MAGI3: variants seen among roughly 807,000 people sequenced by gnomAD.
MAGI3 encodes the protein membrane associated guanylate kinase, WW and PDZ domain containing 3, also known as membrane-associated guanylate kinase, WW and PDZ domain-containing protein 3.
A neutral mutation model predicts 121.8 loss-of-function variants in MAGI3; 43 were observed. That is an observed-to-expected ratio of 0.35 (90% confidence interval 0.28 to 0.46). MAGI3 has a LOEUF of 0.46. MAGI3 is among the 20% of genes least tolerant of loss of function. The probability of loss-of-function intolerance (pLI) is 1.00; values close to 1 mark genes in which losing one functional copy is unlikely to be tolerated. For missense variants in MAGI3, 1,547 were observed against 1,797.3 expected, an observed-to-expected ratio of 0.86 and a Z score of 2.52; for synonymous variants, 553 against 639.3, an observed-to-expected ratio of 0.86 and a Z score of 2.04.
At chr1:113,449,881 ATTC>A in intron 1 of MAGI3, 2 of 1,520,522 alleles carry the variant, frequency 1.3e-6, no homozygotes, top group Non-Finnish European at 9.0e-7. Context: ...TTTGTGACTT[ATTC>A]TTGTGTTGAA....
At chr1:113,566,877 A>G (rs369834646) in intron 2 of MAGI3, among the ~76,000 whole-genome samples, 19 of 152,184 alleles carry the variant, frequency 1.2e-4, no homozygotes, top group African/African-American at 4.6e-4. Context: ...TACCTTAAGG[A>G]ATTAGACAAA....
At chr1:113,607,891 C>T (rs955587351) in intron 6 of MAGI3, among the ~76,000 whole-genome samples, 2 of 152,160 alleles carry the variant, frequency 1.3e-5, no homozygotes, top group East Asian at 1.9e-4. Flanking sequence ...AAAGTATTCT[C>T]ATGTCATAAA....
chr1:113,597,751 A>G (rs1370522898), intron 6 of MAGI3, among the ~76,000 whole-genome samples: 12 of 152,248 alleles, frequency 7.9e-5, no homozygotes, highest in Admixed American at 7.9e-4. Flanking sequence ...TTTTGTATCC[A>G]GCAATACTAA....
chr1:113,417,494 G>C (rs1420298924), intron 1 of MAGI3, among the ~76,000 whole-genome samples: 1 of 152,088 alleles, frequency 6.6e-6, no homozygotes, highest in African/African-American at 2.4e-5. Context: ...GCTCACTGCA[G>C]TCTTGAACTC....
At position 113,396,287 on chromosome 1, in the gene MAGI3, TTGTGTGTG is replaced by T. The variant is rs3058309; in HGVS notation, c.316+4963_316+4970del. On this transcript the variant is annotated intron_variant, in intron 1 of 20. Coordinates refer to ENST00000307546, the MANE Select transcript of MAGI3 (RefSeq NM_001142782.2). Reference sequence around the variant, plus strand: ...ATTTCAAAATCTGTGAATGTCAGGGTTGTGTGTGTGTGTGTGTGTGTGTGTGTGTGTGA... The same window carrying T: ...ATTTCAAAATCTGTGAATGTCAGGGTTGTGTGTGTGTGTGTGTGTGTGTGA... 1.3e-4 allele frequency among the ~76,000 whole-genome samples: 19 copies of T among 146,876 alleles called. 1 individual carries two copies. The highest frequency in any genetic ancestry group is 2.2e-4 in the South Asian group (1 of 4,566).
intron 5 of MAGI3, 53 bp downstream of exon 5, chr1:113,590,711 C>G: frequency 6.7e-7 from 1 of 1,492,816 alleles, no homozygotes; most frequent in Non-Finnish European, 8.9e-7. Flanking sequence ...TGAGGATTGT[C>G]TAAGATTTTT....
intron 14 of MAGI3, among the ~76,000 whole-genome samples, chr1:113,651,631 T>G (rs1653173544): frequency 6.6e-6 from 1 of 152,102 alleles, no homozygotes; most frequent in East Asian, 1.9e-4. Flanking sequence ...TAGCTGGGAT[T>G]ACAGGCACAC....
At chr1:113,437,763 C>T (rs1324347696) in intron 1 of MAGI3, among the ~76,000 whole-genome samples, 1 of 147,538 alleles carries the variant, frequency 6.8e-6, no homozygotes, top group African/African-American at 2.5e-5. Flanking sequence ...CTTCATTTTT[C>T]TTTCTTCTTC....
chr1:113,676,241 A>C (rs1280887823), intron 19 of MAGI3, among the ~76,000 whole-genome samples: 2 of 152,186 alleles, frequency 1.3e-5, no homozygotes, highest in Non-Finnish European at 2.9e-5. Context: ...ACCAAAGGCA[A>C]ACAGGCCTTA....
intron 2 of MAGI3, among the ~76,000 whole-genome samples, chr1:113,566,837 G>T (rs2101696519): frequency 6.6e-6 from 1 of 151,714 alleles, no homozygotes; most frequent in African/African-American, 2.4e-5. Flanking sequence ...TAAAAGAGAA[G>T]AAAAATCTCA....
chr1:113,626,722 T>C (rs1651261384), intron 9 of MAGI3, among the ~76,000 whole-genome samples: 1 of 152,194 alleles, frequency 6.6e-6, no homozygotes, highest in African/African-American at 2.4e-5. Flanking sequence ...TTCTAGGTTT[T>C]CCAATTTGTT....
rs1553182646 is a variant in MAGI3, at chr1:113,416,191, ATGTAATTAATGACACATATTATTATG to A, written c.316+24864_316+24889del. Among the ~76,000 whole-genome samples the A allele has an allele frequency of 4.0e-4, 25 of 62,314 alleles. 4 individuals are homozygous for A. Among genetic ancestry groups the A allele is most frequent in the African/African-American group, 1.0e-3 (17 of 16,630 alleles). 40.9% of individuals were successfully genotyped at this position (62,314 alleles called of 152,430 possible). ...ATGTAATTAATGACACATATTAATT[ATGTAATTAATGACACATATTATTATG>A]TGTAATTAATGACACATATTAATTA... On this transcript the variant is annotated intron_variant, in intron 1 of 20. Coordinates refer to ENST00000307546, the MANE Select transcript of MAGI3 (RefSeq NM_001142782.2).
At chr1:113,433,371 G>C (rs1196967876) in intron 1 of MAGI3, among the ~76,000 whole-genome samples, 1 of 152,120 alleles carries the variant, frequency 6.6e-6, no homozygotes, top group Non-Finnish European at 1.5e-5. Context: ...ATTTAGAGCT[G>C]TACTCCTGAG....
chr1:113,641,245 G>A (rs1429857510), intron 9 of MAGI3, among the ~76,000 whole-genome samples: 1 of 148,606 alleles, frequency 6.7e-6, no homozygotes, highest in African/African-American at 2.5e-5. Flanking sequence ...CTTGCTGAAT[G>A]CAGGCTGAGG....
chr1:113,514,635 G>T (rs1211257470), intron 1 of MAGI3, among the ~76,000 whole-genome samples: 1 of 152,056 alleles, frequency 6.6e-6, no homozygotes, highest in Non-Finnish European at 1.5e-5. Flanking sequence ...TGGGGTGTGG[G>T]GGAGGGGGAG....
chr1:113,578,517 C>A (rs1647800847), intron 2 of MAGI3, among the ~76,000 whole-genome samples: 1 of 152,002 alleles, frequency 6.6e-6, no homozygotes, highest in South Asian at 2.1e-4. Context: ...AACTCCTGGT[C>A]TCAAATTATC....
intron 1 of MAGI3, among the ~76,000 whole-genome samples, chr1:113,428,766 C>G (rs374550031): frequency 6.6e-6 from 1 of 152,130 alleles, no homozygotes; most frequent in African/African-American, 2.4e-5. Context: ...AAGTTAGACT[C>G]TAAATTTTCA....
intron 1 of MAGI3, among the ~76,000 whole-genome samples, chr1:113,406,935 C>G (rs1249530682): frequency 6.6e-6 from 1 of 152,066 alleles, no homozygotes; most frequent in Non-Finnish European, 1.5e-5. Flanking sequence ...GGCATCTGCC[C>G]TCTGAAAATT....
intron 1 of MAGI3, among the ~76,000 whole-genome samples, chr1:113,461,989 G>A (rs1655059538): frequency 6.6e-6 from 1 of 152,168 alleles, no homozygotes. Context: ...CTGATCATTA[G>A]AGAAATGCAA....
Sources: allele counts gnomAD v4.1 joint callset (sites outside exome capture counted in the v4.1 genomes callset), GRCh38; gene constraint gnomAD v4.1.1; transcripts MANE v1.5; gene names NCBI Gene and HGNC (gene_info 2026-07-23, HGNC 2026-07-21).